Variants in HHAT observed in about 807,000 individuals in gnomAD.
The protein encoded by HHAT is hedgehog acyltransferase, also known as protein-cysteine N-palmitoyltransferase HHAT.
In HHAT, 47 loss-of-function variants were observed where a neutral mutation model predicts 70.8. The observed-to-expected ratio is 0.66, with a 90% confidence interval of 0.53 to 0.85. HHAT has a LOEUF of 0.85. Ranked by LOEUF, HHAT falls within the 40% of genes least tolerant of loss-of-function variation. HHAT has a pLI of 0.00. For synonymous variants in HHAT, 228 were observed against 247.6 expected, an observed-to-expected ratio of 0.92 and a Z score of 0.74; for missense variants, 609 against 604.8, an observed-to-expected ratio of 1.01 and a Z score of -0.07.
intron 3 of HHAT, among the ~76,000 whole-genome samples, chr1:210,381,197 C>G (rs566453897): frequency 6.6e-6 from 1 of 151,864 alleles, no homozygotes; most frequent in Non-Finnish European, 1.5e-5. Context: ...CTGTGATTGA[C>G]TATATGAAGC....
At chr1:210,424,486 T>C (rs188290508) in intron 7 of HHAT, among the ~76,000 whole-genome samples, 65 of 148,684 alleles carry the variant, frequency 4.4e-4, no homozygotes, top group African/African-American at 1.4e-3. Context: ...GTTTATTACA[T>C]AGGTAAATTT....
chr1:210,536,636 A>G (rs2095374609), intron 9 of HHAT, among the ~76,000 whole-genome samples: 1 of 152,242 alleles, frequency 6.6e-6, no homozygotes, highest in Admixed American at 6.5e-5. Flanking sequence ...CAGAAAGTTA[A>G]TGTAACTGGG....
chr1:210,363,758 G>A (rs945380832), intron 3 of HHAT, among the ~76,000 whole-genome samples: 1 of 152,146 alleles, frequency 6.6e-6, no homozygotes, highest in African/African-American at 2.4e-5. Flanking sequence ...TGTTATCAGA[G>A]CAGTTTGTTT....
At chr1:210,340,242 G>GGGGGGAAAAAAAAAAAAAAA (rs1553313987) in intron 1 of HHAT, among the ~76,000 whole-genome samples, 2 of 99,784 alleles carry the variant, frequency 2.0e-5, no homozygotes, top group African/African-American at 6.8e-5. Context: ...CTCTGTCTCA[G>GGGGGGAAAAAAAAAAAAAAA]AAAAAAAAAA....
chr1:210,644,384 C>G (rs1673596402), intron 11 of HHAT, among the ~76,000 whole-genome samples: 1 of 152,088 alleles, frequency 6.6e-6, no homozygotes, highest in Non-Finnish European at 1.5e-5. Flanking sequence ...AGGCGGATCA[C>G]CTGAGGTCAG....
At chr1:210,418,351 G>T in intron 7 of HHAT, 26 bp downstream of exon 7, 1 of 1,557,754 alleles carries the variant, frequency 6.4e-7, no homozygotes, top group Non-Finnish European at 8.7e-7. Flanking sequence ...ACCAACAGTG[G>T]GATGAGCCCC....
chr1:210,409,936 AGGT>A (rs2092468451), intron 6 of HHAT, among the ~76,000 whole-genome samples: 1 of 152,170 alleles, frequency 6.6e-6, no homozygotes. Flanking sequence ...GCAGTCCCCT[AGGT>A]TTGAAATGTC....
At chr1:210,423,215 A>G (rs891494204) in intron 7 of HHAT, among the ~76,000 whole-genome samples, 5 of 152,082 alleles carry the variant, frequency 3.3e-5, no homozygotes, top group African/African-American at 9.7e-5. Flanking sequence ...TTTTCTCTTC[A>G]TCCTCATCAC....
chr1:210,587,595 C>T (rs1207530368), intron 9 of HHAT, among the ~76,000 whole-genome samples: 2 of 152,186 alleles, frequency 1.3e-5, no homozygotes, highest in South Asian at 2.1e-4. Flanking sequence ...CAGGGTTGGG[C>T]CCATCCCTTT....
At chr1:210,368,116 C>T (rs1023051802) in intron 3 of HHAT, among the ~76,000 whole-genome samples, 5 of 152,094 alleles carry the variant, frequency 3.3e-5, no homozygotes, top group African/African-American at 1.2e-4. Flanking sequence ...TGTTTCTAGA[C>T]AGTAGCATCT....
chr1:210,362,236 C>A (rs988451626), intron 2 of HHAT, among the ~76,000 whole-genome samples: 1 of 139,674 alleles, frequency 7.2e-6, no homozygotes, highest in South Asian at 2.2e-4. Flanking sequence ...GTCAAAATTT[C>A]TTTTTTTTTT....
At chr1:210,499,661 A>T (rs1347966996) in intron 8 of HHAT, among the ~76,000 whole-genome samples, 5 of 150,544 alleles carry the variant, frequency 3.3e-5, no homozygotes, top group African/African-American at 1.2e-4. Flanking sequence ...AAAAAAAATT[A>T]TGGAAGGGAA....
At chr1:210,511,592 C>A (rs1199137048) in intron 8 of HHAT, among the ~76,000 whole-genome samples, 1 of 151,932 alleles carries the variant, frequency 6.6e-6, no homozygotes. Flanking sequence ...TCAGACCCCC[C>A]CTCGAGGGTG....
At chr1:210,392,512 T>C (rs1356316404) in intron 4 of HHAT, among the ~76,000 whole-genome samples, 1 of 152,228 alleles carries the variant, frequency 6.6e-6, no homozygotes, top group Non-Finnish European at 1.5e-5. Flanking sequence ...ACTGTGCGTA[T>C]GTCTGTGCTT....
chr1:210,672,326 C>G (rs1680253321), intron 11 of HHAT, among the ~76,000 whole-genome samples: 1 of 152,178 alleles, frequency 6.6e-6, no homozygotes, highest in Non-Finnish European at 1.5e-5. Context: ...CTTCCCGCAG[C>G]CTCCTTCCTA....
At chr1:210,467,383 G>T (rs749101066) in intron 8 of HHAT, among the ~76,000 whole-genome samples, 6 of 152,222 alleles carry the variant, frequency 3.9e-5, no homozygotes, top group Non-Finnish European at 8.8e-5. Flanking sequence ...TTCATGTTCA[G>T]TATCTGGTGG....
chr1:210,614,329 A>C lies in HHAT; in HGVS notation c.1246-9197A>C, dbSNP rs912690235. Among the ~76,000 whole-genome samples, 5 of 152,074 alleles carry C rather than the reference A, an allele frequency of 3.3e-5. 1 individual carries two copies. The highest frequency in any genetic ancestry group is 2.0e-4 in the Admixed American group (3 of 15,268). On this transcript the variant is annotated intron_variant, in intron 10 of 11. Transcript: ENST00000261458. ...TGGTAGAATTTTTAGGGTTTTGTAC[A>C]TGTAATCTGTGAACAGAAATCATTT...
chr1:210,329,259 G>C (rs939724383), intron 1 of HHAT, 155 bp downstream of exon 1: 5 of 1,231,900 alleles, frequency 4.1e-6, no homozygotes, highest in Non-Finnish European at 5.1e-6. Context: ...GGAAGTTCCC[G>C]GTCGGGCGAA....
intron 2 of HHAT, among the ~76,000 whole-genome samples, chr1:210,360,865 T>TA (rs1553324547): frequency 6.1e-5 from 9 of 147,654 alleles, no homozygotes; most frequent in Non-Finnish European, 1.2e-4. Flanking sequence ...TTTTTTTTTT[T>TA]AACTTTGTGG....
Sources: gnomAD v4.1 joint callset for allele counts (sites outside exome capture counted in the v4.1 genomes callset) on GRCh38, gnomAD v4.1.1 for gene constraint, MANE v1.5 for transcripts, NCBI Gene and HGNC (gene_info 2026-07-23, HGNC 2026-07-21) for gene names.